SUMF1: variants seen among roughly 807,000 people sequenced by gnomAD.
SUMF1 encodes the protein sulfatase modifying factor 1, also known as formylglycine-generating enzyme.
In SUMF1, 48 loss-of-function variants were observed where a neutral mutation model predicts 47.6. That is an observed-to-expected ratio of 1.01 (90% CI 0.80 to 1.28). The LOEUF is 1.28. SUMF1 is among the 50% of genes most tolerant of loss of function. The pLI is 0.00. For missense variants in SUMF1, 571 were observed against 485.4 expected (o/e 1.18, Z -1.66); for synonymous variants, 230 against 192.1 (o/e 1.20, Z -1.63).
chr3:4,463,058 T>C (rs1054007398), intron 1 of SUMF1, among the ~76,000 whole-genome samples: 3 of 152,202 alleles, frequency 2.0e-5, no homozygotes, highest in African/African-American at 7.2e-5. Context: ...TTCTCAATAC[T>C]GTATCCACCA....
chr3:4,288,946 A>C (rs553148255), intron 8 of SUMF1, among the ~76,000 whole-genome samples: 4 of 152,314 alleles, frequency 2.6e-5, no homozygotes, highest in South Asian at 2.1e-4. Context: ...CATGAAAATC[A>C]AGAAGGACCT....
chr3:4,426,538 GT>G (rs1327887379), intron 3 of SUMF1, among the ~76,000 whole-genome samples: 1 of 152,124 alleles, frequency 6.6e-6, no homozygotes, highest in South Asian at 2.1e-4. Context: ...TTGAAAATAA[GT>G]GCTATTCTAC....
At chr3:4,345,171 A>G (rs1019376325) in intron 8 of SUMF1, among the ~76,000 whole-genome samples, 14 of 152,184 alleles carry the variant, frequency 9.2e-5, no homozygotes, top group Non-Finnish European at 7.4e-5. Flanking sequence ...CGCAAATTCA[A>G]GAAATACAGA....
At chr3:4,138,904 C>T (rs1318842259) in intron 8 of SUMF1, among the ~76,000 whole-genome samples, 2 of 152,004 alleles carry the variant, frequency 1.3e-5, no homozygotes, top group Non-Finnish European at 2.9e-5. Flanking sequence ...AGGCTATTTA[C>T]CCATATTTTT....
intron 8 of SUMF1, among the ~76,000 whole-genome samples, chr3:4,137,056 C>A (rs1693950619): frequency 6.6e-6 from 1 of 152,058 alleles, no homozygotes; most frequent in Admixed American, 6.6e-5. Context: ...TTGTGGAAGA[C>A]AGTGTGGCGA....
intron 8 of SUMF1, among the ~76,000 whole-genome samples, chr3:4,353,216 T>G (rs1319092960): frequency 2.0e-5 from 3 of 152,172 alleles, no homozygotes; most frequent in Admixed American, 6.5e-5. Flanking sequence ...TTGGGCAACA[T>G]AGTGAGACCC....
chr3:4,422,492 T>TAA (rs776813048), intron 3 of SUMF1, among the ~76,000 whole-genome samples: 11 of 143,742 alleles, frequency 7.7e-5, no homozygotes, highest in African/African-American at 1.8e-4. Flanking sequence ...ATTAGTGATT[T>TAA]AAAAAAAAAA....
chr3:4,437,611 A>G (rs1326922608), intron 3 of SUMF1, among the ~76,000 whole-genome samples: 26 of 152,224 alleles, frequency 1.7e-4, no homozygotes, highest in Admixed American at 1.7e-3. Flanking sequence ...ATTATTTACA[A>G]TGATATACCC....
At chr3:4,151,112 A>G (rs1367790872) in intron 8 of SUMF1, among the ~76,000 whole-genome samples, 1 of 151,298 alleles carries the variant, frequency 6.6e-6, no homozygotes, top group Non-Finnish European at 1.5e-5. Context: ...AGTGTAGCAC[A>G]GTCTGTCAGT....
chr3:4,081,719 T>C (rs575432492), intron 8 of SUMF1, among the ~76,000 whole-genome samples: 2 of 152,250 alleles, frequency 1.3e-5, no homozygotes, highest in African/African-American at 4.8e-5. Context: ...TGGAATAATA[T>C]GCAATGGTCA....
chr3:4,464,614 C>T (rs570399380), intron 1 of SUMF1, among the ~76,000 whole-genome samples: 201 of 152,266 alleles, frequency 1.3e-3, no homozygotes, highest in African/African-American at 4.7e-3. Flanking sequence ...AAGGCAGAAA[C>T]ACCACTATGC....
chr3:4,118,245 G>A (rs1330686579), intron 8 of SUMF1, among the ~76,000 whole-genome samples: 2 of 151,736 alleles, frequency 1.3e-5, no homozygotes, highest in East Asian at 3.9e-4. Context: ...GATATTGCAT[G>A]CTTGAAAAAA....
At chr3:4,260,116 A>G (rs373564330) in intron 8 of SUMF1, among the ~76,000 whole-genome samples, 2 of 152,172 alleles carry the variant, frequency 1.3e-5, no homozygotes, top group South Asian at 4.1e-4. Context: ...AGGAACTTCT[A>G]ATACTTCTAG....
chr3:4,112,373 T>C (rs915253898), intron 8 of SUMF1, among the ~76,000 whole-genome samples: 3 of 152,156 alleles, frequency 2.0e-5, no homozygotes, highest in Non-Finnish European at 4.4e-5. Flanking sequence ...TTAGCATTAC[T>C]TAGTGTACCT....
intron 8 of SUMF1, among the ~76,000 whole-genome samples, chr3:4,172,908 T>G (rs1694866141): frequency 6.6e-6 from 1 of 152,234 alleles, no homozygotes; most frequent in Non-Finnish European, 1.5e-5. Context: ...TTTTGGCATT[T>G]TAGTCATGAA....
intron 9 of SUMF1, among the ~76,000 whole-genome samples, chr3:4,059,674 A>AT (rs1009177546): frequency 7.3e-5 from 11 of 151,582 alleles, no homozygotes; most frequent in Non-Finnish European, 1.6e-4. Flanking sequence ...AACGAAAACA[A>AT]TTTCTGCCTT....
intron 8 of SUMF1, among the ~76,000 whole-genome samples, chr3:4,336,736 A>G (rs1029713452): frequency 5.3e-5 from 8 of 152,246 alleles, no homozygotes; most frequent in African/African-American, 1.9e-4. Context: ...GGCATGATCA[A>G]AGATAATTCA....
intron 7 of SUMF1, among the ~76,000 whole-genome samples, chr3:4,385,512 T>A (rs1559263721): frequency 6.6e-6 from 1 of 152,182 alleles, no homozygotes; most frequent in African/African-American, 2.4e-5. Context: ...TTTTTATGTA[T>A]TGTAAATATA....
chr3:4,044,441 G>C (rs1453845126), intron 9 of SUMF1, among the ~76,000 whole-genome samples: 1 of 152,166 alleles, frequency 6.6e-6, no homozygotes. Context: ...AATGATGACT[G>C]TACAGGCCTA....
Sources: allele counts gnomAD v4.1 joint callset (sites outside exome capture counted in the v4.1 genomes callset), GRCh38; gene constraint gnomAD v4.1.1; transcripts MANE v1.5; gene names NCBI Gene and HGNC (gene_info 2026-07-23, HGNC 2026-07-21).